Variants in NDUFS3 observed in about 807,000 individuals in gnomAD.
NDUFS3 encodes NADH dehydrogenase [ubiquinone] iron-sulfur protein 3, mitochondrial.
NDUFS3 carries 19 observed loss-of-function variants against 30.8 expected under a neutral mutation model. The ratio of observed to expected loss-of-function variants is 0.62; its 90% confidence interval spans 0.43 to 0.91. The LOEUF is 0.91. NDUFS3 is among the 40% of genes least tolerant of loss of function. NDUFS3 has a pLI of 0.00. For synonymous variants in NDUFS3, 153 were observed against 135.8 expected (o/e 1.13, Z -0.88); for missense variants, 331 against 342.0 (o/e 0.97, Z 0.25).
chr11:47,580,465 G>A (rs767526090), intron 2 of NDUFS3, 60 bp from the exon 3 acceptor site: 478 of 1,494,684 alleles, frequency 3.2e-4, no homozygotes, highest in Non-Finnish European at 4.1e-4. Flanking sequence ...CTAAGAGACT[G>A]CATGCAGGGC....
At chr11:47,581,956 C>T in intron 4 of NDUFS3, 132 bp from the exon 5 acceptor site, 1 of 1,245,280 alleles carries the variant, frequency 8.0e-7, no homozygotes, top group Non-Finnish European at 1.2e-6. Flanking sequence ...TGGCCTGGGC[C>T]TTTGGAAGTA....
At chr11:47,579,228 G>A (rs1184841957) in intron 1 of NDUFS3, 41 bp from the exon 2 acceptor site, 1 of 1,614,068 alleles carries the variant, frequency 6.2e-7, no homozygotes, top group Non-Finnish European at 8.5e-7. Context: ...AGCTCCTCAG[G>A]GCTCATCCCG....
At position 47,580,575 on chromosome 11, in the gene NDUFS3, G is replaced by A; in HGVS notation, c.184G>A (p.Gly62Arg). 1.2e-6 allele frequency: 2 copies of A among 1,614,190 alleles called. No homozygotes were observed. The highest frequency in any genetic ancestry group is 8.5e-7 in the Non-Finnish European group (1 of 1,180,022). The change falls in exon 3 of 7, where the codon GGA becomes AGA. Residue 62 changes from glycine to arginine, a missense_variant. By Grantham distance (125) the Gly-to-Arg change is moderately radical. Coordinates refer to ENST00000263774, the MANE Select transcript of NDUFS3 (RefSeq NM_004551.3). ...DVAHKQLSAFGEYVAEILPKY... is the reference protein window; with the variant it reads ...DVAHKQLSAFREYVAEILPKY... ...GGCCCACAAGCAGCTCTCAGCTTTT[G>A]GAGAGTATGTGGCTGAAATCTTGCC... is the stretch of plus-strand genomic sequence containing the variant.
Position 47,579,107 on chromosome 11 carries a change from G to A in NDUFS3, c.16G>A (p.Val6Ile). The change falls in exon 1 of 7, where the codon GTA becomes ATA. Residue 6 changes from valine (V) to isoleucine (I), a missense_variant. Physicochemically the swap from Val to Ile is conservative, Grantham distance 29. Transcript: ENST00000263774. The stretch of plus-strand genomic sequence containing the variant: ...TCTGAGTAACATGGCGGCGGCGGCG[G>A]TAGCCAGGCTGTGGTGGCGCGGGAT... MAAAA[V>I]ARLWWRGILG... The A allele has an allele frequency of 1.3e-6, 2 of 1,578,594 alleles. No individual in the cohort carries two copies. The highest frequency in any genetic ancestry group is 1.3e-5 in the African/African-American group (1 of 74,352).
Position 47,580,587 on chromosome 11 carries a change from G to C in NDUFS3, c.196G>C (p.Ala66Pro), listed in dbSNP as rs2097268129. Residue 66 changes from alanine (A) to proline (P), a missense_variant, in exon 3 of 7, where the codon GCT becomes CCT. By Grantham distance (27) the Ala-to-Pro change is conservative. Transcript: ENST00000263774. ...GCTCTCAGCTTTTGGAGAGTATGTGGCTGAAATCTTGCCCAAGTATGTCCA... is the reference window on the plus strand; with the variant it reads ...GCTCTCAGCTTTTGGAGAGTATGTGCCTGAAATCTTGCCCAAGTATGTCCA... ...KQLSAFGEYVAEILPKYVQQV... is the reference protein window; with the variant it reads ...KQLSAFGEYVPEILPKYVQQV... The C allele has an allele frequency of 1.2e-6, 2 of 1,614,070 alleles. No individual in the cohort carries two copies. The highest frequency in any genetic ancestry group is 2.2e-5 in the South Asian group (2 of 91,092).
At position 47,579,113 on chromosome 11, in the gene NDUFS3, A is replaced by T. The variant is rs762277356; in HGVS notation, c.22A>T (p.Arg8Trp). The change falls in exon 1 of 7, where the codon AGG becomes TGG. Residue 8 changes from arginine (R) to tryptophan (W), a missense_variant. Transcript: ENST00000263774. ...TAACATGGCGGCGGCGGCGGTAGCC[A>T]GGCTGTGGTGGCGCGGGATCTTGGG... MAAAAVA[R>W]LWWRGILGAS... 7 of 1,585,138 alleles carry T rather than the reference A, an allele frequency of 4.4e-6. No individual in the cohort carries two copies. In the East Asian group the frequency reaches 1.4e-4, roughly 31 times the overall value.
chr11:47,582,345 C>A lies in NDUFS3; in HGVS notation c.508-4C>A. On this transcript the variant is annotated splice_polypyrimidine_tract_variant and splice_region_variant and intron_variant, in intron 5 of 6. Transcript: ENST00000263774. ...TTGGCTGTTTGAGGTGGTCTCTTTC[C>A]TAGATCTGGGACATGTTTGGAGTCT... The A allele has an allele frequency of 6.2e-7, 1 of 1,614,226 alleles. No homozygotes were observed.
At chr11:47,583,412 T>C (rs2097269698) in intron 6 of NDUFS3, among the ~76,000 whole-genome samples, 1 of 152,102 alleles carries the variant, frequency 6.6e-6, no homozygotes, top group African/African-American at 2.4e-5. Context: ...CGACACAGTC[T>C]GTCCCTAAAA....
At position 47,579,142 on chromosome 11, in the gene NDUFS3, C is replaced by T; in HGVS notation, c.51C>T (p.Ala17=). 1 of 1,602,816 alleles carries T rather than the reference C, an allele frequency of 6.2e-7. No homozygotes were observed. The highest frequency in any genetic ancestry group is 8.5e-7 in the Non-Finnish European group (1 of 1,175,774). The change falls in exon 1 of 7, where the codon GCC becomes GCT. Residue 17 remains alanine, a synonymous_variant. Coordinates refer to ENST00000263774, the MANE Select transcript of NDUFS3 (RefSeq NM_004551.3). ...TGTGGTGGCGCGGGATCTTGGGGGC[C>T]TCGGCGCTGACCAGGGGTGAGCACG... ...ARLWWRGILG[A]SALTRGTGRP...
In NDUFS3 at chr11:47,580,633, C is replaced by A. The variant is rs780946652; in HGVS notation, c.231+11C>A. ...GTCCAACAAGTTCAGGTAATACTTA[C>A]TAATGTTATTTGGGTCTGGGTCAAG... On this transcript the variant is annotated intron_variant, in intron 3 of 6. Transcript: ENST00000263774. 2 of 1,612,712 alleles carry A rather than the reference C, an allele frequency of 1.2e-6. No homozygotes were observed. Among genetic ancestry groups the A allele is most frequent in the South Asian group, 1.1e-5 (1 of 91,062 alleles).
At position 47,582,443 on chromosome 11, in the gene NDUFS3, A is replaced by T; in HGVS notation, c.602A>T (p.Asp201Val). Reference protein sequence around the residue: ...YGFEGHPFRKDFPLSGYVELR... With the variant: ...YGFEGHPFRKVFPLSGYVELR... ...TTCGAGGGACATCCTTTCCGGAAAG[A>T]CTTTCCTCTATCTGGCTATGTTGAG... The change falls in exon 6 of 7, where the codon GAC (aspartate) becomes GTC (valine). Residue 201 changes from aspartate to valine, a missense_variant. Transcript: ENST00000263774. 6.2e-7 allele frequency: 1 copy of T among 1,614,054 alleles called. No homozygotes were observed.
chr11:47,580,667 A>G, intron 3 of NDUFS3, 45 bp downstream of exon 3: 2 of 1,602,456 alleles, frequency 1.2e-6, no homozygotes, highest in Admixed American at 1.7e-5. Flanking sequence ...AGAAAGAACC[A>G]TGTTCGCAGG....
rs1292017620 is a variant in NDUFS3 at position 47,579,983 on chromosome 11, TGACA to T, written c.134-541_134-538del. Among the ~76,000 whole-genome samples, 31 of 94,482 alleles carry T rather than the reference TGACA, an allele frequency of 3.3e-4. No homozygotes were observed. In the East Asian group the frequency reaches 4.4e-3, roughly 13 times the overall value. The allele number at this position is 94,482 out of a possible 152,430, so 62.0% of individuals were successfully genotyped here. A position where few individuals can be genotyped will look rare whatever the true frequency, so the allele number is the denominator to read the frequency against. On this transcript the variant is annotated intron_variant, in intron 2 of 6. Transcript: ENST00000263774. ...TTTCTCCTTTCCTGGGTTTTCTCAT[TGACA>T]CACACACACACACACACACACACAC... is the stretch of plus-strand genomic sequence containing the variant.
intron 6 of NDUFS3, among the ~76,000 whole-genome samples, chr11:47,583,633 G>A (rs2097269786): frequency 6.6e-6 from 1 of 152,192 alleles, no homozygotes; most frequent in Non-Finnish European, 1.5e-5. Context: ...GTTTAGAAAT[G>A]CAGAGATGTG....
rs1450334256 is a variant in NDUFS3 at position 47,580,509 on chromosome 11, T to C, written c.134-16T>C. The stretch of plus-strand genomic sequence containing the variant: ...GCCTTCTCCATTTCTTTTTTAAATA[T>C]GCCTTTTCCTTCCAGCCACTGTCAG... On this transcript the variant is annotated splice_polypyrimidine_tract_variant and intron_variant, in intron 2 of 6. Coordinates refer to ENST00000263774, the MANE Select transcript of NDUFS3 (RefSeq NM_004551.3). 15 of 1,613,638 alleles carry C rather than the reference T, an allele frequency of 9.3e-6. No individual in the cohort carries two copies. The East Asian group carries it at 1.6e-4, about 17-fold the overall frequency.
intron 6 of NDUFS3, among the ~76,000 whole-genome samples, chr11:47,582,681 T>A (rs186230659): frequency 1.3e-5 from 2 of 152,324 alleles, no homozygotes; most frequent in Admixed American, 1.3e-4. Context: ...GCAATAATAA[T>A]AGCACTTTAA....
chr11:47,582,163 ATTGAGTCTGCTGTC>A lies in NDUFS3; in HGVS notation c.459_472del (p.Glu154CysfsTer9). ...GACCTACACAGATGAGCTGACGCCC[ATTGAGTCTGCTGTC>A]TCTGTGTTCAAGGCAGCCAACTGGT... On this transcript the variant is annotated frameshift_variant, in exon 5 of 7. Coordinates refer to ENST00000263774, the MANE Select transcript of NDUFS3 (RefSeq NM_004551.3). LOFTEE classifies it high-confidence loss of function. 6.2e-7 allele frequency: 1 copy of A among 1,614,180 alleles called. No individual in the cohort carries two copies. Among genetic ancestry groups the A allele is most frequent in the South Asian group, 1.1e-5 (1 of 91,086 alleles).
chr11:47,580,839 C>G lies in NDUFS3; in HGVS notation c.236C>G (p.Ser79Cys). Residue 79 changes from serine (S) to cysteine (C), a missense_variant, in exon 4 of 7, where the codon TCC (serine) becomes TGC (cysteine). Ser to Cys is a moderately radical substitution (Grantham distance 112). Transcript: ENST00000263774. ...LPKYVQQVQV[S>C]CFNELEVCIH... The stretch of plus-strand genomic sequence containing the variant: ...CCCTCACTTTCATGTGTGCAGGTGT[C>G]CTGCTTCAATGAGTTAGAGGTCTGT... 1 of 1,614,190 alleles carries G rather than the reference C, an allele frequency of 6.2e-7. No homozygotes were observed. The highest frequency in any genetic ancestry group is 8.5e-7 in the Non-Finnish European group (1 of 1,180,034).
rs764340329 is a variant in NDUFS3 at position 47,580,560 on chromosome 11, C to T, written c.169C>T (p.Gln57Ter). 6.2e-7 allele frequency: 1 copy of T among 1,614,226 alleles called. No individual in the cohort carries two copies. The highest frequency in any genetic ancestry group is 1.7e-5 in the Admixed American group (1 of 60,020). The part of the protein sequence containing the change: ...VRPRNDVAHK[Q>*]LSAFGEYVAE... ...ACCACGGAATGATGTGGCCCACAAG[C>T]AGCTCTCAGCTTTTGGAGAGTATGT... The change falls in exon 3 of 7, where the codon CAG becomes TAG. Residue 57 changes from glutamine (Q) to a stop codon, truncating the protein, a stop_gained. Transcript: ENST00000263774. LOFTEE classifies it high-confidence loss of function.
Sources: gnomAD v4.1 joint callset for allele counts (sites outside exome capture counted in the v4.1 genomes callset) on GRCh38, gnomAD v4.1.1 for gene constraint, MANE v1.5 for transcripts, NCBI Gene and HGNC (gene_info 2026-07-23, HGNC 2026-07-21) for gene names.